The following LEKR1 variants were observed in gnomAD, a reference collection of about 807,000 sequenced individuals.
LEKR1 encodes protein LEKR1.
A neutral mutation model predicts 72.4 loss-of-function variants in LEKR1; 59 were observed. The observed-to-expected ratio is 0.82, with a 90% CI of 0.66 to 1.01. The LOEUF is 1.01. Ranked by LOEUF, LEKR1 falls within the 50% of genes least tolerant of loss-of-function variation. The probability of loss-of-function intolerance (pLI) is 0.00; values close to 1 mark genes in which losing one functional copy is unlikely to be tolerated. For missense variants in LEKR1, 728 were observed against 759.2 expected (o/e 0.96, Z 0.48); for synonymous variants, 257 against 263.2 (o/e 0.98, Z 0.23).
chr3:156,851,546 C>A (rs1454540584), intron 2 of LEKR1, among the ~76,000 whole-genome samples: 1 of 152,010 alleles, frequency 6.6e-6, no homozygotes, highest in African/African-American at 2.4e-5. Context: ...TTTTATAAAT[C>A]TATACATTTT....
intron 3 of LEKR1, among the ~76,000 whole-genome samples, chr3:156,883,058 C>T (rs1383457508): frequency 2.6e-5 from 4 of 151,826 alleles, no homozygotes; most frequent in African/African-American, 7.3e-5. Context: ...TGCCAGATGA[C>T]GTGTTAGTGG....
At chr3:157,040,251 GT>G (rs1228020976) in intron 12 of LEKR1, among the ~76,000 whole-genome samples, 1 of 152,218 alleles carries the variant, frequency 6.6e-6, no homozygotes, top group African/African-American at 2.4e-5. Context: ...ACTTAGAAAA[GT>G]AAATGTTGAA....
At chr3:156,882,762 A>G (rs548606155) in intron 3 of LEKR1, among the ~76,000 whole-genome samples, 2 of 152,350 alleles carry the variant, frequency 1.3e-5, no homozygotes, top group African/African-American at 4.8e-5. Flanking sequence ...CAAATGTCCA[A>G]CAATGATAGA....
intron 12 of LEKR1, among the ~76,000 whole-genome samples, chr3:157,037,351 T>TA (rs945761738): frequency 2.6e-5 from 4 of 151,970 alleles, no homozygotes; most frequent in Non-Finnish European, 5.9e-5. Context: ...TTTAAAAAAT[T>TA]AAAAATAATA....
At chr3:156,910,184 G>T (rs903025423) in intron 3 of LEKR1, among the ~76,000 whole-genome samples, 1 of 152,076 alleles carries the variant, frequency 6.6e-6, no homozygotes, top group Non-Finnish European at 1.5e-5. Flanking sequence ...GTGCAGGCTT[G>T]TTACATGGGT....
At chr3:156,843,846 G>A (rs1316534656) in intron 2 of LEKR1, among the ~76,000 whole-genome samples, 1 of 151,508 alleles carries the variant, frequency 6.6e-6, no homozygotes, top group African/African-American at 2.4e-5. Context: ...TGTGTGTGTG[G>A]ACGTTTATGT....
chr3:156,971,790 G>C, intron 6 of LEKR1, among the ~76,000 whole-genome samples: 1 of 152,164 alleles, frequency 6.6e-6, no homozygotes, highest in African/African-American at 2.4e-5. Context: ...ACCACAATGA[G>C]ATACCATCTC....
At chr3:156,874,444 AT>A (rs1718326064) in intron 3 of LEKR1, among the ~76,000 whole-genome samples, 1 of 152,156 alleles carries the variant, frequency 6.6e-6, no homozygotes, top group East Asian at 1.9e-4. Context: ...AGGCTTTTTA[AT>A]AAACTAGTAG....
intron 11 of LEKR1, among the ~76,000 whole-genome samples, chr3:157,025,152 G>A (rs893977958): frequency 6.6e-6 from 1 of 152,002 alleles, no homozygotes. Flanking sequence ...TTTTCTACTG[G>A]AATAAACTTA....
chr3:156,898,681 C>A (rs1432054266), intron 3 of LEKR1, among the ~76,000 whole-genome samples: 1 of 152,110 alleles, frequency 6.6e-6, no homozygotes. Flanking sequence ...AAACCCAAAA[C>A]TATTATTTCC....
rs1232828413 is a variant in LEKR1, at chr3:156,899,551, C to CATATATACATATACATGT, written c.264-20991_264-20974dup. On this transcript the variant is annotated intron_variant, in intron 3 of 12. Transcript: ENST00000356539. ...ATATACACATATATACATATATACA[C>CATATATACATATACATGT]ATATATACATATACATGTATATATA... is the stretch of plus-strand genomic sequence containing the variant. 5.4e-4 allele frequency among the ~76,000 whole-genome samples: 48 copies of CATATATACATATACATGT among 89,172 alleles called. 2 individuals carry two copies. The highest frequency in any genetic ancestry group is 1.7e-3 in the South Asian group (4 of 2,338). The allele number at this position is 89,172 out of a possible 152,430, so 58.5% of individuals were successfully genotyped here.
intron 10 of LEKR1, among the ~76,000 whole-genome samples, chr3:157,020,615 T>G (rs903301140): frequency 6.6e-6 from 1 of 151,612 alleles, no homozygotes; most frequent in African/African-American, 2.4e-5. Flanking sequence ...AACTCATCAT[T>G]TTTTATGGCT....
intron 6 of LEKR1, among the ~76,000 whole-genome samples, chr3:156,960,330 G>C (rs1728004618): frequency 6.6e-6 from 1 of 152,166 alleles, no homozygotes; most frequent in Non-Finnish European, 1.5e-5. Context: ...CTGTTGCCCA[G>C]ACTGGAGTGC....
At chr3:156,910,447 A>C (rs947041808) in intron 3 of LEKR1, among the ~76,000 whole-genome samples, 1 of 152,164 alleles carries the variant, frequency 6.6e-6, no homozygotes, top group Non-Finnish European at 1.5e-5. Flanking sequence ...TGTGGGAGAT[A>C]ATTGAATCAT....
At chr3:157,041,191 C>T (rs968692701) in intron 12 of LEKR1, among the ~76,000 whole-genome samples, 6 of 152,050 alleles carry the variant, frequency 3.9e-5, no homozygotes, top group East Asian at 3.9e-4. Context: ...AGATCATGCT[C>T]GCCACCAATC....
In LEKR1 at chr3:156,840,098, T is replaced by C. The variant is rs926469982; in HGVS notation, c.48+10721T>C. 3.9e-5 allele frequency among the ~76,000 whole-genome samples: 6 copies of C among 152,216 alleles called. No individual in the cohort carries two copies. In the South Asian group the frequency reaches 1.0e-3, roughly 26 times the overall value. ...GATTAAATATATTTCCTCTTTCTTATGATGATTTTCTTAACATTTTCTTTT... is the reference window on the plus strand; with the variant it reads ...GATTAAATATATTTCCTCTTTCTTACGATGATTTTCTTAACATTTTCTTTT... On this transcript the variant is annotated intron_variant, in intron 2 of 12. Coordinates refer to ENST00000356539, the MANE Select transcript of LEKR1 (RefSeq NM_001004316.3).
chr3:156,880,738 G>A (rs915877024), intron 3 of LEKR1, among the ~76,000 whole-genome samples: 3 of 152,178 alleles, frequency 2.0e-5, no homozygotes, highest in Non-Finnish European at 4.4e-5. Flanking sequence ...GAACATTGAT[G>A]CAAAAATCCT....
intron 1 of LEKR1, 120 bp from the exon 2 acceptor site, chr3:156,829,166 G>T (rs367955426): frequency 1.8e-6 from 1 of 541,846 alleles, no homozygotes; most frequent in Non-Finnish European, 3.3e-6. Flanking sequence ...GATGAAATAA[G>T]CATCTGTTGA....
intron 12 of LEKR1, among the ~76,000 whole-genome samples, chr3:157,031,546 T>C (rs10936055): frequency 0.52 from 78,281 of 151,860 alleles, 22,920 homozygotes; most frequent in South Asian, 0.79. Context: ...CAAAATATGC[T>C]TATAAAAATA....
Sources: gnomAD v4.1 joint callset for allele counts (sites outside exome capture counted in the v4.1 genomes callset) on GRCh38, gnomAD v4.1.1 for gene constraint, MANE v1.5 for transcripts, NCBI Gene and HGNC (gene_info 2026-07-23, HGNC 2026-07-21) for gene names.